The following SMYD3 variants were observed in gnomAD, a reference collection of about 807,000 sequenced individuals.
The protein encoded by SMYD3 is SET and MYND domain containing 3.
A neutral mutation model predicts 57.7 loss-of-function variants in SMYD3; 36 were observed. That is an observed-to-expected ratio of 0.62 (90% confidence interval 0.48 to 0.82). The LOEUF is 0.82. SMYD3 is among the 40% of genes least tolerant of loss of function. SMYD3 has a pLI of 0.00. For synonymous variants in SMYD3, 211 were observed against 195.0 expected (o/e 1.08, Z -0.68); for missense variants, 515 against 538.8 (o/e 0.96, Z 0.44).
chr1:246,013,405 C>G, intron 5 of SMYD3, among the ~76,000 whole-genome samples: 1 of 152,114 alleles, frequency 6.6e-6, no homozygotes, highest in East Asian at 1.9e-4. Context: ...GTCTCGAACT[C>G]CCAACCTCAA....
intron 1 of SMYD3, among the ~76,000 whole-genome samples, chr1:246,477,123 T>G (rs1418726714): frequency 6.6e-6 from 1 of 152,244 alleles, no homozygotes; most frequent in Non-Finnish European, 1.5e-5. Context: ...TTAATTCCTA[T>G]TAAACTTAAA....
intron 5 of SMYD3, among the ~76,000 whole-genome samples, chr1:246,076,965 A>G (rs2787962): frequency 0.37 from 56,665 of 152,034 alleles, 13,399 homozygotes; most frequent in African/African-American, 0.67. Context: ...GGAGAGAGAC[A>G]ATCTTTTCAG....
chr1:246,407,892 G>C (rs1276211299), intron 1 of SMYD3, among the ~76,000 whole-genome samples: 3 of 151,242 alleles, frequency 2.0e-5, no homozygotes. Context: ...TCACTCTTGA[G>C]GAGGCTGGGA....
intron 1 of SMYD3, among the ~76,000 whole-genome samples, chr1:246,462,831 T>C (rs1032245651): frequency 6.6e-6 from 1 of 152,046 alleles, no homozygotes; most frequent in Non-Finnish European, 1.5e-5. Context: ...TACTATACAA[T>C]TTGCTGGTAA....
chr1:245,792,486 T>C (rs1224878910), intron 10 of SMYD3, among the ~76,000 whole-genome samples: 1 of 152,188 alleles, frequency 6.6e-6, no homozygotes, highest in Non-Finnish European at 1.5e-5. Flanking sequence ...GACTTATTAA[T>C]GATGACAGAC....
intron 11 of SMYD3, among the ~76,000 whole-genome samples, chr1:245,759,076 A>G (rs1240391459): frequency 6.6e-6 from 1 of 152,108 alleles, no homozygotes; most frequent in Non-Finnish European, 1.5e-5. Flanking sequence ...CTGGAAGGTA[A>G]ATTTCTGCTT....
rs189421894 is a variant in SMYD3, at chr1:245,804,894, C to T, written c.1077-40745G>A. Among the ~76,000 whole-genome samples, 405 of 152,296 alleles carry T rather than the reference C, an allele frequency of 2.7e-3. 2 individuals are homozygous for T. The highest frequency in any genetic ancestry group is 9.2e-3 in the African/African-American group (382 of 41,548). On this transcript the variant is annotated intron_variant, in intron 10 of 11. Transcript: ENST00000490107. ...GTAACTTTCTGTTGTTTATAAATTACCCAGTCTGTGGTATTTTGTTGTGGC... is the reference window on the plus strand; with the variant it reads ...GTAACTTTCTGTTGTTTATAAATTATCCAGTCTGTGGTATTTTGTTGTGGC...
At chr1:246,033,915 C>G (rs917232580) in intron 5 of SMYD3, among the ~76,000 whole-genome samples, 1 of 152,058 alleles carries the variant, frequency 6.6e-6, no homozygotes, top group African/African-American at 2.4e-5. Flanking sequence ...TTACAAAGTC[C>G]TCTCTGTGTT....
intron 5 of SMYD3, among the ~76,000 whole-genome samples, chr1:246,139,052 T>C (rs1471271942): frequency 6.6e-6 from 1 of 152,148 alleles, no homozygotes; most frequent in Non-Finnish European, 1.5e-5. Context: ...GAATCCTCCA[T>C]AAATAATTCA....
intron 5 of SMYD3, among the ~76,000 whole-genome samples, chr1:246,140,697 C>T (rs1202546640): frequency 6.6e-6 from 1 of 152,186 alleles, no homozygotes; most frequent in Non-Finnish European, 1.5e-5. Flanking sequence ...ACTGCAGCCT[C>T]AAACTCTTGT....
intron 1 of SMYD3, among the ~76,000 whole-genome samples, chr1:246,495,960 C>A (rs1388124409): frequency 1.7e-5 from 2 of 117,308 alleles, no homozygotes; most frequent in Non-Finnish European, 3.6e-5. Context: ...GAGACTTCAC[C>A]TCAAAAAATA....
At chr1:245,794,372 G>A (rs1467566890) in intron 10 of SMYD3, among the ~76,000 whole-genome samples, 1 of 152,184 alleles carries the variant, frequency 6.6e-6, no homozygotes, top group Non-Finnish European at 1.5e-5. Context: ...ACAATTCTTT[G>A]CTTTCGCACA....
intron 5 of SMYD3, among the ~76,000 whole-genome samples, chr1:246,103,243 A>T (rs1201651932): frequency 1.3e-5 from 2 of 152,176 alleles, no homozygotes; most frequent in African/African-American, 2.4e-5. Flanking sequence ...ACATTCCCCA[A>T]GACAAATTTA....
chr1:246,320,112 A>G (rs1054588549), intron 5 of SMYD3, among the ~76,000 whole-genome samples: 1 of 152,154 alleles, frequency 6.6e-6, no homozygotes, highest in Admixed American at 6.5e-5. Flanking sequence ...AATTGGTAAG[A>G]TTCTCGTTTT....
chr1:246,459,390 T>G (rs2067759633), intron 1 of SMYD3, among the ~76,000 whole-genome samples: 1 of 152,116 alleles, frequency 6.6e-6, no homozygotes, highest in African/African-American at 2.4e-5. Flanking sequence ...TGCTCTGCTG[T>G]TCTCCTGACA....
At chr1:246,337,906 C>T (rs2065570868) in intron 2 of SMYD3, among the ~76,000 whole-genome samples, 1 of 152,210 alleles carries the variant, frequency 6.6e-6, no homozygotes. Context: ...TGGAATTAAA[C>T]ATCCAAATTT....
intron 5 of SMYD3, among the ~76,000 whole-genome samples, chr1:246,043,905 A>G (rs1028841571): frequency 2.0e-5 from 3 of 152,076 alleles, no homozygotes; most frequent in Admixed American, 6.6e-5. Context: ...ACTCGCACCA[A>G]CAGTTTCGGG....
chr1:246,021,284 G>A (rs965711043), intron 5 of SMYD3, among the ~76,000 whole-genome samples: 2 of 152,134 alleles, frequency 1.3e-5, no homozygotes, highest in African/African-American at 4.8e-5. Flanking sequence ...TTCTGACATG[G>A]GTACAGAATT....
At chr1:245,960,202 C>A (rs1272395319) in intron 5 of SMYD3, among the ~76,000 whole-genome samples, 1 of 152,210 alleles carries the variant, frequency 6.6e-6, no homozygotes, top group Non-Finnish European at 1.5e-5. Flanking sequence ...TGAGTTAACA[C>A]GTGCATACTT....
Sources: allele counts gnomAD v4.1 joint callset (sites outside exome capture counted in the v4.1 genomes callset), GRCh38; gene constraint gnomAD v4.1.1; transcripts MANE v1.5; gene names NCBI Gene and HGNC (gene_info 2026-07-23, HGNC 2026-07-21).